Variants in INPP4B observed in about 807,000 individuals in gnomAD.
The protein encoded by INPP4B is inositol polyphosphate-4-phosphatase type II B.
Under a neutral mutation model 122.5 loss-of-function variants are expected in INPP4B, and 55 were observed. The ratio of observed to expected loss-of-function variants is 0.45; its 90% CI spans 0.36 to 0.56. The LOEUF (loss-of-function observed/expected upper bound fraction) is 0.56, where lower values mean the gene tolerates loss of function less well. Among genes scored for constraint, INPP4B ranks in the 20% least tolerant of loss-of-function variants. The pLI, the probability that INPP4B is intolerant of heterozygous loss-of-function variation, is 0.00. For synonymous variants in INPP4B, 403 were observed against 388.7 expected (o/e 1.04, Z -0.43); for missense variants, 1,000 against 1,097.7 (o/e 0.91, Z 1.26).
intron 7 of INPP4B, among the ~76,000 whole-genome samples, chr4:142,330,546 T>C (rs750351169): frequency 6.6e-6 from 1 of 152,004 alleles, no homozygotes; most frequent in Non-Finnish European, 1.5e-5. Context: ...CGCACACACA[T>C]ACACGCGCAC....
chr4:142,537,335 G>A (rs1354590066), intron 2 of INPP4B, among the ~76,000 whole-genome samples: 4 of 146,562 alleles, frequency 2.7e-5, no homozygotes, highest in African/African-American at 1.0e-4. Flanking sequence ...CTGTGTCTAA[G>A]ATGTTACTGA....
At chr4:142,386,298 C>T (rs1362465456) in intron 7 of INPP4B, among the ~76,000 whole-genome samples, 2 of 152,058 alleles carry the variant, frequency 1.3e-5, no homozygotes, top group Non-Finnish European at 2.9e-5. Flanking sequence ...AGGTTGCTAC[C>T]ATATCTTAGC....
At chr4:142,608,718 C>A (rs1036900603) in intron 2 of INPP4B, among the ~76,000 whole-genome samples, 1 of 152,176 alleles carries the variant, frequency 6.6e-6, no homozygotes, top group African/African-American at 2.4e-5. Context: ...TTCGTTGAGT[C>A]CCTCTCCAAC....
intron 3 of INPP4B, among the ~76,000 whole-genome samples, chr4:142,433,548 T>A (rs1809789791): frequency 6.6e-6 from 1 of 152,214 alleles, no homozygotes; most frequent in Non-Finnish European, 1.5e-5. Context: ...TATTTGTTAA[T>A]ATTTTGTACA....
intron 18 of INPP4B, among the ~76,000 whole-genome samples, chr4:142,138,067 C>T (rs1329037505): frequency 1.3e-5 from 2 of 151,920 alleles, no homozygotes; most frequent in Non-Finnish European, 2.9e-5. Context: ...AATCATGCTG[C>T]TATAAAGACA....
intron 25 of INPP4B, among the ~76,000 whole-genome samples, chr4:142,080,887 A>C (rs915587022): frequency 6.6e-6 from 1 of 152,102 alleles, no homozygotes. Context: ...TTGGTATTTT[A>C]CCATTAGTGC....
At chr4:142,843,731 C>T (rs2151220053) in intron 1 of INPP4B, among the ~76,000 whole-genome samples, 1 of 152,114 alleles carries the variant, frequency 6.6e-6, no homozygotes, top group African/African-American at 2.4e-5. Flanking sequence ...CAAATACTTA[C>T]CTAGAAACTG....
chr4:142,435,810 C>A lies in INPP4B; in HGVS notation c.-126-4425G>T, dbSNP rs1810342685. Among the ~76,000 whole-genome samples, 3 of 152,192 alleles carry A rather than the reference C, an allele frequency of 2.0e-5. No individual in the cohort carries two copies. In the South Asian group the frequency reaches 6.2e-4, roughly 32 times the overall value. Reference sequence around the variant, plus strand: ...AGTTCCCACTCATGAACCCATGCCACTGGGGCCTAGGGTCCCAACCACAGA... The same window carrying A: ...AGTTCCCACTCATGAACCCATGCCAATGGGGCCTAGGGTCCCAACCACAGA... On this transcript the variant is annotated intron_variant, in intron 3 of 25. Coordinates refer to ENST00000262992, the MANE Select transcript of INPP4B (RefSeq NM_001101669.3).
At chr4:142,401,838 G>T (rs1328273501) in intron 7 of INPP4B, among the ~76,000 whole-genome samples, 1 of 152,132 alleles carries the variant, frequency 6.6e-6, no homozygotes, top group Non-Finnish European at 1.5e-5. Flanking sequence ...TTGTTTCCAT[G>T]TACATATGCT....
At chr4:142,838,114 A>G (rs1783038574) in intron 1 of INPP4B, among the ~76,000 whole-genome samples, 1 of 152,020 alleles carries the variant, frequency 6.6e-6, no homozygotes, top group Admixed American at 6.6e-5. Context: ...GACTCAATCA[A>G]TAATTCAATT....
rs1204565354 is a variant in INPP4B at position 142,400,050 on chromosome 4, G to T, written c.372+2888C>A. 3.3e-5 allele frequency among the ~76,000 whole-genome samples: 5 copies of T among 152,266 alleles called. 1 individual carries two copies. In the South Asian group the frequency reaches 8.3e-4, roughly 25 times the overall value. On this transcript the variant is annotated intron_variant, in intron 7 of 25. Coordinates refer to ENST00000262992, the MANE Select transcript of INPP4B (RefSeq NM_001101669.3). ...ATCCTAGATCCAGTTTTTTAGAGGA[G>T]CACAAGAACAACTAGTTAGTGAGGT...
chr4:142,728,964 C>T (rs13116732), intron 1 of INPP4B, among the ~76,000 whole-genome samples: 4,036 of 152,030 alleles, frequency 0.027, 59 homozygotes, highest in South Asian at 0.05. Context: ...AAAAATCTTA[C>T]GGTTAATTTA....
At chr4:142,526,275 A>G (rs1282330851) in intron 2 of INPP4B, among the ~76,000 whole-genome samples, 1 of 152,082 alleles carries the variant, frequency 6.6e-6, no homozygotes, top group African/African-American at 2.4e-5. Context: ...CTTGTATCCA[A>G]TAGGTGTAAA....
chr4:142,829,689 A>G (rs1781878701), intron 1 of INPP4B, among the ~76,000 whole-genome samples: 1 of 152,216 alleles, frequency 6.6e-6, no homozygotes, highest in Non-Finnish European at 1.5e-5. Context: ...GTGCTGAAAG[A>G]AAAACTGTCA....
At chr4:142,415,746 A>C (rs933479236) in intron 5 of INPP4B, among the ~76,000 whole-genome samples, 3 of 152,292 alleles carry the variant, frequency 2.0e-5, no homozygotes. Flanking sequence ...AAGACTTGGA[A>C]CCAACCCAAA....
chr4:142,828,548 GA>G (rs151058178), intron 1 of INPP4B, among the ~76,000 whole-genome samples: 1 of 151,858 alleles, frequency 6.6e-6, no homozygotes, highest in Non-Finnish European at 1.5e-5. Flanking sequence ...ATATCTTACA[GA>G]AAAAAAATGC....
At chr4:142,725,306 A>G (rs1765202906) in intron 2 of INPP4B, among the ~76,000 whole-genome samples, 1 of 152,178 alleles carries the variant, frequency 6.6e-6, no homozygotes, top group Non-Finnish European at 1.5e-5. Context: ...ACTGCATGAT[A>G]TAATTCAATC....
intron 11 of INPP4B, among the ~76,000 whole-genome samples, chr4:142,251,079 C>A (rs918335230): frequency 1.3e-5 from 2 of 152,074 alleles, no homozygotes; most frequent in Non-Finnish European, 2.9e-5. Flanking sequence ...AGGTAAAGAT[C>A]TATTTTTCAA....
At chr4:142,459,289 G>GAA (rs201442354) in intron 3 of INPP4B, among the ~76,000 whole-genome samples, 25 of 97,064 alleles carry the variant, frequency 2.6e-4, no homozygotes, top group Admixed American at 1.1e-3. Context: ...ACAAACAAAT[G>GAA]AAAAAAAAAA....
Sources: gnomAD v4.1 joint callset for allele counts (sites outside exome capture counted in the v4.1 genomes callset) on GRCh38, gnomAD v4.1.1 for gene constraint, MANE v1.5 for transcripts, NCBI Gene and HGNC (gene_info 2026-07-23, HGNC 2026-07-21) for gene names.